PRKN: variants seen among roughly 807,000 people sequenced by gnomAD.
The protein encoded by PRKN is parkin RBR E3 ubiquitin protein ligase.
In PRKN, 56 loss-of-function variants were observed where a neutral mutation model predicts 59.5. That is an observed-to-expected ratio of 0.94 (90% CI 0.76 to 1.18). The LOEUF (loss-of-function observed/expected upper bound fraction) is 1.18. Ranked by LOEUF, PRKN falls within the 50% of genes most tolerant of loss-of-function variation. The pLI, the probability that PRKN is intolerant of heterozygous loss-of-function variation, is 0.00. For missense variants in PRKN, 657 were observed against 596.4 expected (o/e 1.10, Z -1.06); for synonymous variants, 250 against 222.1 (o/e 1.13, Z -1.12).
intron 1 of PRKN, among the ~76,000 whole-genome samples, chr6:162,453,969 A>C (rs1375413340): frequency 1.3e-5 from 2 of 152,190 alleles, no homozygotes; most frequent in African/African-American, 4.8e-5. Flanking sequence ...AGGAGATGAC[A>C]AAGAAAGGAG....
At chr6:162,600,285 T>C (rs567954398) in intron 1 of PRKN, among the ~76,000 whole-genome samples, 2 of 152,320 alleles carry the variant, frequency 1.3e-5, no homozygotes, top group African/African-American at 4.8e-5. Flanking sequence ...AGTTCAACCA[T>C]ATTATTGTAC....
chr6:162,615,209 C>G (rs541373388), intron 1 of PRKN, among the ~76,000 whole-genome samples: 1 of 152,146 alleles, frequency 6.6e-6, no homozygotes, highest in African/African-American at 2.4e-5. Context: ...TAGAAAATTA[C>G]GCAACCTAAG....
intron 1 of PRKN, among the ~76,000 whole-genome samples, chr6:162,517,397 G>A (rs562713230): frequency 3.3e-5 from 5 of 151,074 alleles, no homozygotes; most frequent in East Asian, 3.9e-4. Context: ...ACAGGCACCC[G>A]CCACCAGGCC....
Position 161,440,499 on chromosome 6 carries a change from T to G in PRKN, c.1084-53622A>C, listed in dbSNP as rs1298781527. On this transcript the variant is annotated intron_variant, in intron 9 of 11. Coordinates refer to ENST00000366898, the MANE Select transcript of PRKN (RefSeq NM_004562.3). This position sits in a 1 kb window ranked among gnomAD's most constrained non-coding sequence, Gnocchi z 4.1. Reference sequence around the variant, plus strand: ...TTCCCCATTGCTGCCTCTGGGAGGCTGCCTCTCGGGATAGATTGAATTGTT... The same window carrying G: ...TTCCCCATTGCTGCCTCTGGGAGGCGGCCTCTCGGGATAGATTGAATTGTT... 6.6e-6 allele frequency among the ~76,000 whole-genome samples: 1 copy of G among 152,182 alleles called. No individual in the cohort carries two copies. Among genetic ancestry groups the G allele is most frequent in the Non-Finnish European group, 1.5e-5 (1 of 68,038 alleles).
Position 161,359,022 on chromosome 6 carries a change from C to T in PRKN, c.1285+1066G>A, listed in dbSNP as rs1430435317. On this transcript the variant is annotated intron_variant, in intron 11 of 11. Coordinates refer to ENST00000366898, the MANE Select transcript of PRKN (RefSeq NM_004562.3). This position sits in a 1 kb window ranked among gnomAD's most constrained non-coding sequence, Gnocchi z 5.4. The stretch of plus-strand genomic sequence containing the variant: ...TGTTAGCCAGGATGGTCTCGACCTC[C>T]TGACCTTGTGATCCACCCGCCTCCG... Among the ~76,000 whole-genome samples the T allele has an allele frequency of 6.6e-6, 1 of 151,922 alleles. No individual in the cohort carries two copies. Among genetic ancestry groups the T allele is most frequent in the Admixed American group, 6.6e-5 (1 of 15,256 alleles).
chr6:161,623,622 C>T (rs528879757), intron 7 of PRKN, among the ~76,000 whole-genome samples: 1 of 152,144 alleles, frequency 6.6e-6, no homozygotes, highest in Non-Finnish European at 1.5e-5. Context: ...TTAGATTATG[C>T]CCCTGCTTTT....
chr6:162,547,593 T>A (rs1477692816), intron 1 of PRKN, among the ~76,000 whole-genome samples: 1 of 152,094 alleles, frequency 6.6e-6, no homozygotes, highest in Non-Finnish European at 1.5e-5. Flanking sequence ...ATTATATTAT[T>A]TTTTGAGAAG....
chr6:161,737,175 C>A (rs529609819), intron 7 of PRKN, among the ~76,000 whole-genome samples: 3 of 152,322 alleles, frequency 2.0e-5, no homozygotes, highest in South Asian at 4.1e-4. Flanking sequence ...AGAGGAGGGG[C>A]TGACGGCGAG....
chr6:161,812,367 C>A (rs998969752), intron 6 of PRKN, among the ~76,000 whole-genome samples: 1 of 151,948 alleles, frequency 6.6e-6, no homozygotes, highest in African/African-American at 2.4e-5. Context: ...CCAGCTTGGG[C>A]AACAGAGCAA....
chr6:162,406,464 TAG>T (rs1377221756), intron 2 of PRKN, among the ~76,000 whole-genome samples: 2 of 152,234 alleles, frequency 1.3e-5, no homozygotes, highest in South Asian at 2.1e-4. Flanking sequence ...TACTTAGATA[TAG>T]ACTCTCTATG....
In PRKN at chr6:161,941,671, G is replaced by A. The variant is rs1583379938; in HGVS notation, c.734+31631C>T. Among the ~76,000 whole-genome samples the A allele has an allele frequency of 2.0e-5, 3 of 152,312 alleles. No homozygotes were observed. The East Asian group carries it at 5.8e-4, about 29-fold the overall frequency. ...ACACATGCCCACTGGGGTTTCAGGA[G>A]CTGTAAACATTCACCCCTAGACACT... On this transcript the variant is annotated intron_variant, in intron 6 of 11. Transcript: ENST00000366898.
Position 162,621,189 on chromosome 6 carries a change from T to C in PRKN, c.7+106473A>G, listed in dbSNP as rs555388670. Among the ~76,000 whole-genome samples, 4 of 152,296 alleles carry C rather than the reference T, an allele frequency of 2.6e-5. No individual in the cohort carries two copies. The East Asian group carries it at 7.7e-4, about 29-fold the overall frequency. ...AATTGAGAGCAGCAATGGCCCCAAT[T>C]TGTGCCTAGCTTTGGAAGAGCCCTT... On this transcript the variant is annotated intron_variant, in intron 1 of 11. Transcript: ENST00000366898.
chr6:161,730,927 A>G (rs1390967574), intron 7 of PRKN, among the ~76,000 whole-genome samples: 2 of 151,358 alleles, frequency 1.3e-5, no homozygotes, highest in Non-Finnish European at 2.9e-5. Flanking sequence ...TTGCATTCTG[A>G]CGTGTTGCAT....
rs1391360029 is a variant in PRKN, at chr6:162,343,438, C to G, written c.172-80673G>C. On this transcript the variant is annotated intron_variant, in intron 2 of 11. Transcript: ENST00000366898. Reference sequence around the variant, plus strand: ...ACTACAGCAGTAGCCATAGCTCTTACCCTCCCCTAGGAACAGCAAGTTGCA... The same window carrying G: ...ACTACAGCAGTAGCCATAGCTCTTAGCCTCCCCTAGGAACAGCAAGTTGCA... Among the ~76,000 whole-genome samples, 4 of 152,170 alleles carry G rather than the reference C, an allele frequency of 2.6e-5. No individual in the cohort carries two copies. The East Asian group carries it at 7.7e-4, about 29-fold the overall frequency.
intron 7 of PRKN, among the ~76,000 whole-genome samples, chr6:161,751,865 C>T (rs1788707823): frequency 6.6e-6 from 1 of 152,166 alleles, no homozygotes; most frequent in South Asian, 2.1e-4. Flanking sequence ...TGAGAAGGAG[C>T]TATGCACACA....
chr6:161,985,605 T>C (rs1781406330), intron 5 of PRKN, among the ~76,000 whole-genome samples: 1 of 152,220 alleles, frequency 6.6e-6, no homozygotes, highest in Non-Finnish European at 1.5e-5. Flanking sequence ...CAGTATTATT[T>C]TACATTTATT....
At chr6:162,423,160 C>T (rs190945311) in intron 2 of PRKN, among the ~76,000 whole-genome samples, 146 of 151,982 alleles carry the variant, frequency 9.6e-4, no homozygotes, top group African/African-American at 3.4e-3. Flanking sequence ...CCTGGGGTTA[C>T]ATTCCTAGAT....
At chr6:162,570,067 A>G (rs1195281420) in intron 1 of PRKN, among the ~76,000 whole-genome samples, 1 of 152,242 alleles carries the variant, frequency 6.6e-6, no homozygotes, top group Non-Finnish European at 1.5e-5. Flanking sequence ...GGGGATTAAT[A>G]ATCAGAATAT....
chr6:162,415,813 C>CA (rs142407525), intron 2 of PRKN, among the ~76,000 whole-genome samples: 10,826 of 151,834 alleles, frequency 0.071, 412 homozygotes, highest in South Asian at 0.12. Flanking sequence ...GAGACTGTCT[C>CA]AAAAAAAGTT....
Sources: gnomAD v4.1 joint callset for allele counts (sites outside exome capture counted in the v4.1 genomes callset) on GRCh38, gnomAD v4.1.1 for gene constraint, Gnocchi (gnomAD v3.1) non-coding constraint, MANE v1.5 for transcripts, NCBI Gene and HGNC (gene_info 2026-07-23, HGNC 2026-07-21) for gene names.